The following ABCC1 variants were observed in gnomAD, a reference collection of about 807,000 sequenced individuals.
ABCC1 encodes ATP binding cassette subfamily C member 1 (ABCC1 blood group), also known as multidrug resistance-associated protein 1.
Under a neutral mutation model 172.9 loss-of-function variants are expected in ABCC1, and 83 were observed. The observed-to-expected ratio is 0.48, with a 90% CI of 0.40 to 0.58. The LOEUF (loss-of-function observed/expected upper bound fraction) is 0.58. ABCC1 is among the 20% of genes least tolerant of loss of function. The probability of loss-of-function intolerance (pLI) is 0.00; values close to 1 mark genes in which losing one functional copy is unlikely to be tolerated. For synonymous variants in ABCC1, 937 were observed against 825.2 expected (o/e 1.14, Z -2.32); for missense variants, 1,817 against 2,002.7 (o/e 0.91, Z 1.77).
chr16:16,070,393 A>G (rs373916009), intron 13 of ABCC1, among the ~76,000 whole-genome samples: 2 of 151,876 alleles, frequency 1.3e-5, no homozygotes, highest in South Asian at 2.1e-4. Flanking sequence ...GGTTGGGCGC[A>G]GTGGCTCATG....
intron 22 of ABCC1, among the ~76,000 whole-genome samples, chr16:16,113,226 T>G (rs1022056239): frequency 6.6e-6 from 1 of 151,956 alleles, no homozygotes; most frequent in African/African-American, 2.4e-5. Flanking sequence ...GCCTACAAAT[T>G]ATAATTGAGG....
Position 16,007,921 on chromosome 16 carries a change from T to C in ABCC1, c.154T>C (p.Phe52Leu). The C allele has an allele frequency of 6.2e-7, 1 of 1,612,458 alleles. No individual in the cohort carries two copies. The highest frequency in any genetic ancestry group is 8.5e-7 in the Non-Finnish European group (1 of 1,179,640). Residue 52 changes from phenylalanine (F) to leucine (L), a missense_variant, in exon 2 of 31, where the codon TTC (phenylalanine) becomes CTC (leucine). By Grantham distance (22) the Phe-to-Leu change is conservative (BLOSUM62 0). This residue lies in a region of ABCC1 where 398 missense variants were observed against 384.2 expected (regional missense o/e 1.04). Transcript: ENST00000399410. ...PCFYLWACFP[F>L]YFLYLSRHDR... ...TTTTTACCTCTGGGCCTGTTTCCCC[T>C]TCTACTTCCTCTATCTCTCCCGACA... is the stretch of plus-strand genomic sequence containing the variant.
chr16:16,010,554 G>T (rs2151737574), intron 3 of ABCC1, among the ~76,000 whole-genome samples: 1 of 152,288 alleles, frequency 6.6e-6, no homozygotes, highest in East Asian at 1.9e-4. Flanking sequence ...TAGGGGGTGG[G>T]TTGCTAAGCT....
chr16:16,002,322 A>G (rs1267362281), intron 1 of ABCC1, among the ~76,000 whole-genome samples: 1 of 152,174 alleles, frequency 6.6e-6, no homozygotes, highest in African/African-American at 2.4e-5. Flanking sequence ...TGTATAAAAT[A>G]TTTTCTGAAA....
intron 14 of ABCC1, among the ~76,000 whole-genome samples, chr16:16,073,750 C>G (rs933271014): frequency 1.3e-5 from 2 of 152,142 alleles, no homozygotes; most frequent in African/African-American, 4.8e-5. Context: ...GAGTGAGACC[C>G]TGTCTCAAAA....
chr16:16,088,301 C>T (rs374614935), intron 18 of ABCC1, among the ~76,000 whole-genome samples: 1 of 151,984 alleles, frequency 6.6e-6, no homozygotes, highest in Non-Finnish European at 1.5e-5. Context: ...AAAAATCAGC[C>T]GAGTGTGGTG....
chr16:16,136,528 C>G lies in ABCC1; in HGVS notation c.4176C>G (p.Ser1392Arg). ...GSLRMNLDPF[S>R]QYSDEEVWTS... ...TCCGAATGAACCTGGACCCATTCAG[C>G]CAGTACTCGGATGAAGAAGTCTGGA... Residue 1392 changes from serine to arginine, a missense_variant, in exon 29 of 31, where the codon AGC (serine) becomes AGG (arginine). By Grantham distance (110) the Ser-to-Arg change is moderately radical (BLOSUM62 -1). Transcript: ENST00000399410. 4 of 1,614,162 alleles carry G rather than the reference C, an allele frequency of 2.5e-6. No individual in the cohort carries two copies. In the South Asian group the frequency reaches 4.4e-5, roughly 18 times the overall value.
intron 2 of ABCC1, among the ~76,000 whole-genome samples, chr16:16,008,820 G>A (rs1314047181): frequency 7.6e-6 from 1 of 131,600 alleles, no homozygotes; most frequent in Non-Finnish European, 1.5e-5. Flanking sequence ...TCTAGCCTGT[G>A]CAACAGAGCG....
In ABCC1 at chr16:16,102,615, CTCTT is replaced by C. The variant is rs2051815749; in HGVS notation, c.2645-11_2645-8del. 1 of 1,568,158 alleles carries C rather than the reference CTCTT, an allele frequency of 6.4e-7. No homozygotes were observed. The highest frequency in any genetic ancestry group is 8.7e-7 in the Non-Finnish European group (1 of 1,155,976). On this transcript the variant is annotated splice_region_variant and splice_polypyrimidine_tract_variant and intron_variant, in intron 19 of 30. Transcript: ENST00000399410. The stretch of plus-strand genomic sequence containing the variant: ...ATAACCCCACTTGCCCCCTTTGTCT[CTCTT>C]CTGCCAGGGGTCACGGGCGTCAGCG...
At position 16,083,444 on chromosome 16, in the gene ABCC1, C is replaced by T; in HGVS notation, c.2194C>T (p.Leu732=). The T allele has an allele frequency of 5.0e-6, 8 of 1,613,976 alleles. No homozygotes were observed. Among genetic ancestry groups the T allele is most frequent in the Non-Finnish European group, 6.8e-6 (8 of 1,180,036 alleles). Residue 732 remains leucine, a synonymous_variant, in exon 17 of 31, where the codon CTG becomes TTG. Coordinates refer to ENST00000399410, the MANE Select transcript of ABCC1 (RefSeq NM_004996.4). The stretch of plus-strand genomic sequence containing the variant: ...AGAAAACATCCTTTTTGGATGTCAG[C>T]TGGAGGAACCATATTACAGGTCCGT... ...LRENILFGCQ[L]EEPYYRSVIQ... is the part of the protein sequence containing the mutation.
At position 15,985,161 on chromosome 16, in the gene ABCC1, A is replaced by G. The variant is rs1328100061; in HGVS notation, c.49-22655A>G. On this transcript the variant is annotated intron_variant, in intron 1 of 30. Coordinates refer to ENST00000399410, the MANE Select transcript of ABCC1 (RefSeq NM_004996.4). ...GGTGAAATTTAAAAAATAAATTCCTATATTCCATCATCCCCAGCTTCTGCC... is the reference window on the plus strand; with the variant it reads ...GGTGAAATTTAAAAAATAAATTCCTGTATTCCATCATCCCCAGCTTCTGCC... Among the ~76,000 whole-genome samples, 7 of 152,186 alleles carry G rather than the reference A, an allele frequency of 4.6e-5. No homozygotes were observed. The East Asian group carries it at 7.7e-4, about 17-fold the overall frequency.
At chr16:16,074,744 G>T (rs941582787) in intron 14 of ABCC1, among the ~76,000 whole-genome samples, 4 of 152,016 alleles carry the variant, frequency 2.6e-5, no homozygotes, top group African/African-American at 9.7e-5. Flanking sequence ...CTCATTCCAC[G>T]TCCACTCGTA....
intron 1 of ABCC1, among the ~76,000 whole-genome samples, chr16:16,006,122 T>C (rs1472566611): frequency 6.6e-6 from 1 of 152,100 alleles, no homozygotes; most frequent in Non-Finnish European, 1.5e-5. Context: ...TGGGCCAAAC[T>C]GTGGGTGGGG....
intron 18 of ABCC1, among the ~76,000 whole-genome samples, chr16:16,087,454 T>TC (rs1261419492): frequency 6.6e-6 from 1 of 152,038 alleles, no homozygotes; most frequent in Admixed American, 6.6e-5. Context: ...CTTTTTTTTC[T>TC]CCCCCTGATT....
At chr16:16,060,490 C>T (rs2049864518) in intron 12 of ABCC1, among the ~76,000 whole-genome samples, 2 of 152,090 alleles carry the variant, frequency 1.3e-5, no homozygotes, top group African/African-American at 4.8e-5. Flanking sequence ...ACTCCAATAC[C>T]TTGACTTTAC....
At chr16:16,070,192 G>A (rs2050286107) in intron 13 of ABCC1, among the ~76,000 whole-genome samples, 1 of 150,836 alleles carries the variant, frequency 6.6e-6, no homozygotes, top group African/African-American at 2.4e-5. Context: ...AATCAGCCTG[G>A]GCAATGAGAC....
intron 7 of ABCC1, among the ~76,000 whole-genome samples, chr16:16,041,247 C>T (rs2048968060): frequency 6.6e-6 from 1 of 152,068 alleles, no homozygotes; most frequent in African/African-American, 2.4e-5. Flanking sequence ...CTCCATTTTT[C>T]ACCCAGAGCA....
At chr16:16,091,470 C>T (rs532985039) in intron 19 of ABCC1, among the ~76,000 whole-genome samples, 8 of 151,154 alleles carry the variant, frequency 5.3e-5, no homozygotes, top group African/African-American at 1.9e-4. Flanking sequence ...AAAGACAATG[C>T]CATGGGCTGA....
intron 3 of ABCC1, among the ~76,000 whole-genome samples, chr16:16,012,356 C>T (rs1234151887): frequency 1.3e-5 from 2 of 152,132 alleles, no homozygotes; most frequent in Non-Finnish European, 2.9e-5. Flanking sequence ...GTCCTCAGAG[C>T]CTGGCCCTGT....
Sources: gnomAD v4.1 joint callset for allele counts (sites outside exome capture counted in the v4.1 genomes callset) on GRCh38, gnomAD v4.1.1 for gene constraint, gnomAD v4.1.1 regional missense constraint, MANE v1.5 for transcripts, NCBI Gene and HGNC (gene_info 2026-07-23, HGNC 2026-07-21) for gene names.